Variants in KAZN observed in about 807,000 individuals in gnomAD.
KAZN encodes kazrin.
In KAZN, 40 loss-of-function variants were observed where a neutral mutation model predicts 87.4. That is an observed-to-expected ratio of 0.46 (90% CI 0.36 to 0.60). The LOEUF (loss-of-function observed/expected upper bound fraction) is 0.60, where lower values mean the gene tolerates loss of function less well. Among genes scored for constraint, KAZN ranks in the 20% least tolerant of loss-of-function variants. The pLI, the probability that KAZN is intolerant of heterozygous loss-of-function variation, is 0.00. For missense variants in KAZN, 898 were observed against 1,073.9 expected, an observed-to-expected ratio of 0.84 and a Z score of 2.29; for synonymous variants, 466 against 458.3, an observed-to-expected ratio of 1.02 and a Z score of -0.22.
chr1:14,075,790 G>T (rs201936660), intron 1 of KAZN, among the ~76,000 whole-genome samples: 1 of 152,148 alleles, frequency 6.6e-6, no homozygotes, highest in East Asian at 1.9e-4. Context: ...TACACTGTAG[G>T]ATGTTTAGCA....
intron 2 of KAZN, among the ~76,000 whole-genome samples, chr1:14,370,732 C>T (rs1180094557): frequency 1.3e-5 from 2 of 152,222 alleles, no homozygotes; most frequent in Non-Finnish European, 2.9e-5. Context: ...CACTTTGTCA[C>T]CCAGACTGGA....
chr1:15,083,281 G>A (rs1336104707), intron 8 of KAZN, among the ~76,000 whole-genome samples: 1 of 152,206 alleles, frequency 6.6e-6, no homozygotes, highest in African/African-American at 2.4e-5. Context: ...AGGGGGGACT[G>A]TTTCAGGGCA....
Position 14,170,885 on chromosome 1 carries a change from C to T in KAZN, c.92-9550C>T, listed in dbSNP as rs917488166. On this transcript the variant is annotated intron_variant, in intron 1 of 16. Coordinates refer to the KAZN transcript ENST00000636203. ...TACAGGTGCCTGCCACCATGCCCAGCTGATTTTTCTGTTTTCAGTAGAGAT... is the reference window on the plus strand; with the variant it reads ...TACAGGTGCCTGCCACCATGCCCAGTTGATTTTTCTGTTTTCAGTAGAGAT... 2.0e-5 allele frequency among the ~76,000 whole-genome samples: 3 copies of T among 152,270 alleles called. No individual in the cohort carries two copies. The East Asian group carries it at 5.8e-4, about 29-fold the overall frequency.
intron 1 of KAZN, among the ~76,000 whole-genome samples, chr1:14,957,966 G>T (rs562374426): frequency 6.6e-6 from 1 of 152,336 alleles, no homozygotes; most frequent in African/African-American, 2.4e-5. Flanking sequence ...TTACAGGGGT[G>T]GCTGGGCCCA....
At chr1:14,034,891 G>A (rs1272598340) in intron 1 of KAZN, among the ~76,000 whole-genome samples, 1 of 152,202 alleles carries the variant, frequency 6.6e-6, no homozygotes, top group African/African-American at 2.4e-5. Flanking sequence ...GAAGGCAGAG[G>A]TGGCTTCCGA....
chr1:14,939,818 CAG>C (rs1405732311), intron 1 of KAZN, among the ~76,000 whole-genome samples: 1 of 152,180 alleles, frequency 6.6e-6, no homozygotes, highest in Admixed American at 6.5e-5. Flanking sequence ...CCAGGCTGGA[CAG>C]AGAGACCCTG....
chr1:14,965,300 A>G (rs1399584580), intron 2 of KAZN, among the ~76,000 whole-genome samples: 2 of 152,188 alleles, frequency 1.3e-5, no homozygotes, highest in African/African-American at 4.8e-5. Flanking sequence ...GATTACAAGC[A>G]TGAGCCACCA....
intron 1 of KAZN, among the ~76,000 whole-genome samples, chr1:14,653,096 A>C (rs984545808): frequency 6.6e-6 from 1 of 152,210 alleles, no homozygotes; most frequent in Non-Finnish European, 1.5e-5. Flanking sequence ...GATTGTGCTG[A>C]TGCTGCTGTT....
chr1:13,978,411 A>C (rs1358648412), intron 1 of KAZN, among the ~76,000 whole-genome samples: 1 of 151,594 alleles, frequency 6.6e-6, no homozygotes, highest in Non-Finnish European at 1.5e-5. Context: ...TAAAATAACT[A>C]TGGTTCACTT....
chr1:15,002,159 C>T lies in KAZN; in HGVS notation c.419-32590C>T, dbSNP rs961379983. Reference sequence around the variant, plus strand: ...CCTCCCAAAGTGCTGGGATTACAGGCGTGAGCCACCGTGCCTGGCCGCAAA... The same window carrying T: ...CCTCCCAAAGTGCTGGGATTACAGGTGTGAGCCACCGTGCCTGGCCGCAAA... On this transcript the variant is annotated intron_variant, in intron 2 of 14. Transcript: ENST00000376030. Among the ~76,000 whole-genome samples the T allele has an allele frequency of 3.3e-5, 5 of 152,106 alleles. No individual in the cohort carries two copies. In the East Asian group the frequency reaches 5.8e-4, roughly 18 times the overall value.
chr1:14,743,775 G>C (rs1303505917), intron 1 of KAZN, among the ~76,000 whole-genome samples: 1 of 152,170 alleles, frequency 6.6e-6, no homozygotes, highest in African/African-American at 2.4e-5. Context: ...GTTGGCAGTG[G>C]TGGGAGGGAG....
chr1:14,916,170 C>CTTTTTTTTTTTTTTTTTTT (rs71307000), intron 1 of KAZN, among the ~76,000 whole-genome samples: 2 of 113,598 alleles, frequency 1.8e-5, no homozygotes, highest in African/African-American at 3.5e-5. Context: ...CACTGTTGTT[C>CTTTTTTTTTTTTTTTTTTT]TTTTTTTTTT....
intron 10 of KAZN, among the ~76,000 whole-genome samples, chr1:15,100,617 C>T (rs537507550): frequency 6.6e-6 from 1 of 152,332 alleles, no homozygotes; most frequent in East Asian, 1.9e-4. Flanking sequence ...AATTCAAGCA[C>T]TTGCGCACCT....
chr1:14,367,946 G>A (rs751646098), intron 2 of KAZN, among the ~76,000 whole-genome samples: 2 of 152,156 alleles, frequency 1.3e-5, no homozygotes, highest in African/African-American at 4.8e-5. Flanking sequence ...ACCAGGCTAC[G>A]TAAAAATGTA....
intron 1 of KAZN, among the ~76,000 whole-genome samples, chr1:14,844,763 C>T (rs1361728318): frequency 7.4e-6 from 1 of 134,970 alleles, no homozygotes; most frequent in East Asian, 2.2e-4. Flanking sequence ...GGCAGCTTCA[C>T]AGTCAGGAAA....
chr1:13,932,330 G>A (rs1258400105), intron 1 of KAZN, among the ~76,000 whole-genome samples: 1 of 143,214 alleles, frequency 7.0e-6, no homozygotes, highest in Non-Finnish European at 1.5e-5. Context: ...GCGGGATCTC[G>A]GCTCACTGCA....
intron 2 of KAZN, among the ~76,000 whole-genome samples, chr1:14,457,346 C>A (rs1260000111): frequency 6.6e-6 from 1 of 152,076 alleles, no homozygotes; most frequent in East Asian, 1.9e-4. Flanking sequence ...CGTTCCTTTC[C>A]CAATTTCTCT....
intron 2 of KAZN, among the ~76,000 whole-genome samples, chr1:14,292,011 G>A (rs1653736659): frequency 6.6e-6 from 1 of 152,006 alleles, no homozygotes; most frequent in East Asian, 1.9e-4. Flanking sequence ...CCCAGTCTCG[G>A]GTATTTCTTC....
chr1:14,025,232 T>C (rs1216358296), intron 1 of KAZN, among the ~76,000 whole-genome samples: 2 of 152,232 alleles, frequency 1.3e-5, no homozygotes, highest in African/African-American at 4.8e-5. Flanking sequence ...AGAGTCTTAC[T>C]GTTCCTCTGA....
Sources: gnomAD v4.1 joint callset for allele counts (sites outside exome capture counted in the v4.1 genomes callset) on GRCh38, gnomAD v4.1.1 for gene constraint, MANE v1.5 for transcripts, NCBI Gene and HGNC (gene_info 2026-07-23, HGNC 2026-07-21) for gene names.